Variants in RFTN1 observed in about 807,000 individuals in gnomAD.
RFTN1 encodes the protein raftlin, lipid raft linker 1.
A neutral mutation model predicts 46.5 loss-of-function variants in RFTN1; 26 were observed. That is an observed-to-expected ratio of 0.56 (90% CI 0.41 to 0.78). RFTN1 has a LOEUF of 0.78. Ranked by LOEUF, RFTN1 falls within the 30% of genes least tolerant of loss-of-function variation. RFTN1 has a pLI of 0.00. For synonymous variants in RFTN1, 261 were observed against 284.2 expected, an observed-to-expected ratio of 0.92 and a Z score of 0.82; for missense variants, 693 against 718.7, an observed-to-expected ratio of 0.96 and a Z score of 0.41.
chr3:16,473,597 G>A lies in RFTN1; in HGVS notation c.145+20128C>T, dbSNP rs1344146680. Reference sequence around the variant, plus strand: ...TTTGTATTTTTTTTTAGTAGAAACGGAGTTTCACCGTGTTGCCCAGGCTGG... The same window carrying A: ...TTTGTATTTTTTTTTAGTAGAAACGAAGTTTCACCGTGTTGCCCAGGCTGG... On this transcript the variant is annotated intron_variant, in intron 2 of 9. Transcript: ENST00000334133. The surrounding 1 kb of genome is among the most constrained non-coding windows in gnomAD (Gnocchi z 5.3). 6.6e-6 allele frequency among the ~76,000 whole-genome samples: 1 copy of A among 151,888 alleles called. No individual in the cohort carries two copies. Among genetic ancestry groups the A allele is most frequent in the African/African-American group, 2.4e-5 (1 of 41,346 alleles).
At chr3:16,372,353 T>C (rs2073552473) in intron 5 of RFTN1, among the ~76,000 whole-genome samples, 1 of 152,254 alleles carries the variant, frequency 6.6e-6, no homozygotes, top group South Asian at 2.1e-4. Context: ...TCCCCATAAA[T>C]TGAAGGTCAC....
chr3:16,507,947 G>T lies in RFTN1; in HGVS notation c.-9+5495C>A, dbSNP rs1239850602. Reference sequence around the variant, plus strand: ...AGGTCTGCCTATGGAACAACACGACGGGACATTTCAGGTGTAAACGCCAGA... The same window carrying T: ...AGGTCTGCCTATGGAACAACACGACTGGACATTTCAGGTGTAAACGCCAGA... On this transcript the variant is annotated intron_variant, in intron 1 of 9. Coordinates refer to ENST00000334133, the MANE Select transcript of RFTN1 (RefSeq NM_015150.2). The surrounding 1 kb of genome is among the most constrained non-coding windows in gnomAD (Gnocchi z 7.1). Among the ~76,000 whole-genome samples, 1 of 152,142 alleles carries T rather than the reference G, an allele frequency of 6.6e-6. No individual in the cohort carries two copies. Among genetic ancestry groups the T allele is most frequent in the East Asian group, 1.9e-4 (1 of 5,204 alleles).
At chr3:16,392,578 A>C (rs1369478979) in intron 4 of RFTN1, among the ~76,000 whole-genome samples, 1 of 150,836 alleles carries the variant, frequency 6.6e-6, no homozygotes, top group African/African-American at 2.4e-5. Flanking sequence ...TACATATATA[A>C]ATATATATTA....
rs1462843850 is a variant in RFTN1, at chr3:16,507,794, AAC to A, written c.-9+5646_-9+5647del. On this transcript the variant is annotated intron_variant, in intron 1 of 9. Coordinates refer to ENST00000334133, the MANE Select transcript of RFTN1 (RefSeq NM_015150.2). The surrounding 1 kb of genome is among the most constrained non-coding windows in gnomAD (Gnocchi z 7.1). Reference sequence around the variant, plus strand: ...ACACACATACACTCACATACACACAAACACACACAAACGCACATACATACATA... The same window carrying A: ...ACACACATACACTCACATACACACAAACACACAAACGCACATACATACATA... Among the ~76,000 whole-genome samples the A allele has an allele frequency of 6.7e-6, 1 of 148,342 alleles. No individual in the cohort carries two copies. The highest frequency in any genetic ancestry group is 1.5e-5 in the Non-Finnish European group (1 of 67,238).
chr3:16,491,077 G>A (rs184818969), intron 2 of RFTN1, among the ~76,000 whole-genome samples: 1 of 152,290 alleles, frequency 6.6e-6, no homozygotes, highest in African/African-American at 2.4e-5. Context: ...ATAGCAATAA[G>A]CAAGATATAT....
rs1243142519 is a variant in RFTN1 at position 16,440,843 on chromosome 3, T to C, written c.146-6806A>G. Among the ~76,000 whole-genome samples, 1 of 152,182 alleles carries C rather than the reference T, an allele frequency of 6.6e-6. No individual in the cohort carries two copies. Among genetic ancestry groups the C allele is most frequent in the African/African-American group, 2.4e-5 (1 of 41,448 alleles). On this transcript the variant is annotated intron_variant, in intron 2 of 9. Transcript: ENST00000334133. This position sits in a 1 kb window ranked among gnomAD's most constrained non-coding sequence, Gnocchi z 4.6. Reference sequence around the variant, plus strand: ...GACCTAGCAGCCTGCAGAGTATGGATGGGGCATTTGATAAAGTTGGGGGAT... The same window carrying C: ...GACCTAGCAGCCTGCAGAGTATGGACGGGGCATTTGATAAAGTTGGGGGAT...
At position 16,436,358 on chromosome 3, in the gene RFTN1, AT is replaced by A. The variant is rs61519479; in HGVS notation, c.146-2322del. On this transcript the variant is annotated intron_variant, in intron 2 of 9. Coordinates refer to ENST00000334133, the MANE Select transcript of RFTN1 (RefSeq NM_015150.2). ...AGTGGGTTTTGCCATGAAAAAAAAA[AT>A]TTTTTTTTTTTTTTTAAGACAAAGT... Among the ~76,000 whole-genome samples, 443 of 125,080 alleles carry A rather than the reference AT, an allele frequency of 3.5e-3. 1 individual carries two copies. Among genetic ancestry groups the A allele is most frequent in the Middle Eastern group, 4.6e-3 (1 of 218 alleles). 82.1% of individuals were successfully genotyped at this position (125,080 alleles called of 152,430 possible). A position where few individuals can be genotyped will look rare whatever the true frequency, so the allele number is the denominator to read the frequency against.
At chr3:16,366,008 C>T (rs1163457960) in intron 6 of RFTN1, among the ~76,000 whole-genome samples, 1 of 151,902 alleles carries the variant, frequency 6.6e-6, no homozygotes, top group East Asian at 1.9e-4. Flanking sequence ...AGGTGGAGGA[C>T]TGCCAGGGTA....
intron 4 of RFTN1, among the ~76,000 whole-genome samples, chr3:16,386,974 C>T (rs12629276): frequency 0.18 from 27,592 of 152,166 alleles, 3,067 homozygotes; most frequent in East Asian, 0.45. Flanking sequence ...ATAATAATTA[C>T]GCTTAGATGA....
At chr3:16,476,033 G>A (rs1451140067) in intron 2 of RFTN1, among the ~76,000 whole-genome samples, 2 of 152,224 alleles carry the variant, frequency 1.3e-5, no homozygotes, top group African/African-American at 4.8e-5. Flanking sequence ...ATGTGCAGGA[G>A]GATATGTGAA....
chr3:16,317,888 G>A lies in RFTN1; in HGVS notation c.1333-656C>T, dbSNP rs6784504. 0.077 allele frequency among the ~76,000 whole-genome samples: 11,650 copies of A among 152,200 alleles called. 1,449 individuals carry two copies. Among genetic ancestry groups the A allele is most frequent in the African/African-American group, 0.27 (11,027 of 41,496 alleles). On this transcript the variant is annotated intron_variant, in intron 9 of 9. Transcript: ENST00000334133. The surrounding 1 kb of genome is among the most constrained non-coding windows in gnomAD (Gnocchi z 4.3). ...TTTCCTGATCCCAATTTGGGATAAC[G>A]CAAATGCCATCCCAGCTCCAAGCCA...
At chr3:16,497,651 G>T (rs937977451) in intron 1 of RFTN1, among the ~76,000 whole-genome samples, 1 of 152,122 alleles carries the variant, frequency 6.6e-6, no homozygotes, top group African/African-American at 2.4e-5. Flanking sequence ...CCTCCAAGAA[G>T]GAGCTTGTTC....
intron 4 of RFTN1, among the ~76,000 whole-genome samples, chr3:16,401,882 C>T (rs541220995): frequency 4.6e-5 from 7 of 152,352 alleles, no homozygotes; most frequent in African/African-American, 1.2e-4. Flanking sequence ...CATCAGAGAG[C>T]GGAGGCTCAG....
intron 4 of RFTN1, among the ~76,000 whole-genome samples, chr3:16,396,705 GT>G (rs1387352458): frequency 6.6e-6 from 1 of 152,146 alleles, no homozygotes; most frequent in East Asian, 1.9e-4. Flanking sequence ...ATGCAATAAA[GT>G]ACTAGATTCA....
rs1291157616 is a variant in RFTN1 at position 16,436,361 on chromosome 3, T to A, written c.146-2324A>T. ...GGGTTTTGCCATGAAAAAAAAAATT[T>A]TTTTTTTTTTTTTAAGACAAAGTCT... On this transcript the variant is annotated intron_variant, in intron 2 of 9. Transcript: ENST00000334133. Among the ~76,000 whole-genome samples, 17 of 81,244 alleles carry A rather than the reference T, an allele frequency of 2.1e-4. No individual in the cohort carries two copies. The South Asian group carries it at 3.2e-3, about 15-fold the overall frequency. The allele number at this position is 81,244 out of a possible 152,430, so 53.3% of individuals were successfully genotyped here. A position where few individuals can be genotyped will look rare whatever the true frequency, so the allele number is the denominator to read the frequency against.
At position 16,370,550 on chromosome 3, in the gene RFTN1, G is replaced by A. The variant is rs527569678; in HGVS notation, c.827-271C>T. On this transcript the variant is annotated intron_variant, in intron 5 of 9. Transcript: ENST00000334133. This position sits in a 1 kb window ranked among gnomAD's most constrained non-coding sequence, Gnocchi z 5.5. ...AATATAATGAATAGCTGTTATCTGCGATTAATAGGCACAGCTAGGTGTTTG... is the reference window on the plus strand; with the variant it reads ...AATATAATGAATAGCTGTTATCTGCAATTAATAGGCACAGCTAGGTGTTTG... Among the ~76,000 whole-genome samples, 11 of 152,300 alleles carry A rather than the reference G, an allele frequency of 7.2e-5. No individual in the cohort carries two copies. The highest frequency in any genetic ancestry group is 6.2e-4 in the South Asian group (3 of 4,816).
rs1174263170 is a variant in RFTN1, at chr3:16,459,728, TTA to T, written c.146-25693_146-25692del. Among the ~76,000 whole-genome samples, 2 of 151,898 alleles carry T rather than the reference TTA, an allele frequency of 1.3e-5. No individual in the cohort carries two copies. Among genetic ancestry groups the T allele is most frequent in the African/African-American group, 4.9e-5 (2 of 41,186 alleles). ...TTCACTTGCTTAAATAAGCCATCAC[TTA>T]TATCTAGTCAATATCATCATGTTAT... On this transcript the variant is annotated intron_variant, in intron 2 of 9. Coordinates refer to ENST00000334133, the MANE Select transcript of RFTN1 (RefSeq NM_015150.2). This position sits in a 1 kb window ranked among gnomAD's most constrained non-coding sequence, Gnocchi z 4.2.
chr3:16,397,785 T>C (rs200284035), intron 4 of RFTN1, among the ~76,000 whole-genome samples: 1 of 106,444 alleles, frequency 9.4e-6, no homozygotes, highest in Non-Finnish European at 2.3e-5. Context: ...TCTCTCCCTC[T>C]CTCTCTCTCT....
chr3:16,424,520 G>A lies in RFTN1; in HGVS notation c.332+9331C>T, dbSNP rs898292991. Reference sequence around the variant, plus strand: ...ACAGGAACAAAGCAAAGTGCTCTCAGACTCTCAGAAACAGGTGTTATGTGA... The same window carrying A: ...ACAGGAACAAAGCAAAGTGCTCTCAAACTCTCAGAAACAGGTGTTATGTGA... On this transcript the variant is annotated intron_variant, in intron 3 of 9. Transcript: ENST00000334133. This position sits in a 1 kb window ranked among gnomAD's most constrained non-coding sequence, Gnocchi z 4.7. Among the ~76,000 whole-genome samples, 8 of 152,186 alleles carry A rather than the reference G, an allele frequency of 5.3e-5. No homozygotes were observed. The highest frequency in any genetic ancestry group is 1.9e-4 in the African/African-American group (8 of 41,448).
Sources: allele counts gnomAD v4.1 joint callset (sites outside exome capture counted in the v4.1 genomes callset), GRCh38; gene constraint gnomAD v4.1.1; non-coding constraint Gnocchi (gnomAD v3.1); transcripts MANE v1.5; gene names NCBI Gene and HGNC (gene_info 2026-07-23, HGNC 2026-07-21).